WWOX: variants seen among roughly 807,000 people sequenced by gnomAD.
WWOX encodes WW domain-containing oxidoreductase.
Under a neutral mutation model 46.2 loss-of-function variants are expected in WWOX, and 69 were observed. The observed-to-expected ratio is 1.49, with a 90% confidence interval of 1.23 to 1.82. The LOEUF (loss-of-function observed/expected upper bound fraction) is 1.82. Among genes scored for constraint, WWOX ranks in the 40% most tolerant of loss-of-function variants. WWOX has a pLI of 0.00. For missense variants in WWOX, 919 were observed against 542.6 expected (o/e 1.69, Z -6.89); for synonymous variants, 359 against 202.6 (o/e 1.77, Z -6.56).
In WWOX at chr16:78,218,613, A is replaced by C. The variant is rs375887398; in HGVS notation, c.516+54324A>C. ...AAAAATGTCACGATAAAGCAGCTAC[A>C]TTAATGACAGGCACATCAAGGTTTT... On this transcript the variant is annotated intron_variant, in intron 5 of 8. Transcript: ENST00000566780. 1.8e-3 allele frequency among the ~76,000 whole-genome samples: 274 copies of C among 152,340 alleles called. 3 individuals are homozygous for C. Among genetic ancestry groups the C allele is most frequent in the African/African-American group, 6.2e-3 (259 of 41,594 alleles).
intron 8 of WWOX, among the ~76,000 whole-genome samples, chr16:79,133,858 G>C (rs903747686): frequency 6.6e-6 from 1 of 152,098 alleles, no homozygotes; most frequent in Non-Finnish European, 1.5e-5. Flanking sequence ...TCAAAGGCTT[G>C]GCACAAAAAA....
chr16:78,243,697 C>G (rs1394249009), intron 5 of WWOX, among the ~76,000 whole-genome samples: 2 of 152,176 alleles, frequency 1.3e-5, no homozygotes, highest in Non-Finnish European at 2.9e-5. Context: ...CAGGTGTGCA[C>G]CACCATGCCC....
chr16:78,737,495 T>A (rs2049118629), intron 8 of WWOX, among the ~76,000 whole-genome samples: 2 of 151,984 alleles, frequency 1.3e-5, no homozygotes, highest in African/African-American at 4.8e-5. Flanking sequence ...CATGAATAAG[T>A]TCTTTAGTGA....
At chr16:78,310,930 C>A (rs981482775) in intron 5 of WWOX, among the ~76,000 whole-genome samples, 1 of 152,124 alleles carries the variant, frequency 6.6e-6, no homozygotes, top group Non-Finnish European at 1.5e-5. Context: ...GGCTTGGCAT[C>A]GGAGTGGATG....
chr16:78,959,472 G>T (rs948675682), intron 8 of WWOX, among the ~76,000 whole-genome samples: 1 of 152,162 alleles, frequency 6.6e-6, no homozygotes, highest in African/African-American at 2.4e-5. Context: ...AACCTTCACA[G>T]GGTTAGCCAT....
intron 8 of WWOX, among the ~76,000 whole-genome samples, chr16:78,992,585 T>C (rs943623767): frequency 2.6e-5 from 4 of 152,184 alleles, no homozygotes; most frequent in Admixed American, 6.5e-5. Flanking sequence ...TTTTTCTCTC[T>C]CAGAATGAAA....
Position 78,621,592 on chromosome 16 carries a change from C to CTTT in WWOX, c.1056+188868_1056+188870dup, listed in dbSNP as rs34182797. On this transcript the variant is annotated intron_variant, in intron 8 of 8. Coordinates refer to ENST00000566780, the MANE Select transcript of WWOX (RefSeq NM_016373.4). ...ACCTTTAACCTTGTGTTGTTCTAAT[C>CTTT]TTTTTTTTTTTTTTTTTTTTTTTTT... Among the ~76,000 whole-genome samples the CTTT allele has an allele frequency of 3.4e-3, 108 of 31,530 alleles. 26 individuals are homozygous for CTTT. The highest frequency in any genetic ancestry group is 0.012 in the African/African-American group (89 of 7,714). 20.7% of individuals were successfully genotyped at this position (31,530 alleles called of 152,430 possible). A position where few individuals can be genotyped will look rare whatever the true frequency, so the allele number is the denominator to read the frequency against.
chr16:78,269,512 GA>G (rs1717092582), intron 5 of WWOX, among the ~76,000 whole-genome samples: 2 of 152,164 alleles, frequency 1.3e-5, no homozygotes, highest in African/African-American at 4.8e-5. Flanking sequence ...CACAGGGAGC[GA>G]AATCAAGACT....
chr16:78,627,362 G>A (rs2046333901), intron 8 of WWOX, among the ~76,000 whole-genome samples: 1 of 152,082 alleles, frequency 6.6e-6, no homozygotes, highest in Admixed American at 6.6e-5. Context: ...TCCTAATTTT[G>A]GCTTAACCCC....
At chr16:78,870,599 C>G (rs1158212255) in intron 8 of WWOX, among the ~76,000 whole-genome samples, 2 of 152,076 alleles carry the variant, frequency 1.3e-5, no homozygotes, top group Admixed American at 1.3e-4. Flanking sequence ...CCAATGTAAT[C>G]AGTTCTTTTT....
chr16:78,476,994 A>G (rs539790739), intron 8 of WWOX, among the ~76,000 whole-genome samples: 1 of 151,218 alleles, frequency 6.6e-6, no homozygotes, highest in Admixed American at 6.6e-5. Flanking sequence ...ATACGATGGG[A>G]TTGTGTCTGC....
intron 5 of WWOX, among the ~76,000 whole-genome samples, chr16:78,333,049 T>TTTTTTTTTTTTTTTTTTTG: frequency 1.1e-5 from 1 of 93,312 alleles, no homozygotes; most frequent in Non-Finnish European, 2.2e-5. Context: ...TATACTTTTT[T>TTTTTTTTTTTTTTTTTTTG]TTTTTTTTTT....
At chr16:79,161,283 G>C (rs1416764998) in intron 8 of WWOX, among the ~76,000 whole-genome samples, 1 of 152,164 alleles carries the variant, frequency 6.6e-6, no homozygotes, top group East Asian at 1.9e-4. Context: ...AAATGACCTT[G>C]TGCTGGCTCC....
chr16:79,094,249 T>C (rs1043855864), intron 8 of WWOX, among the ~76,000 whole-genome samples: 1 of 152,082 alleles, frequency 6.6e-6, no homozygotes, highest in South Asian at 2.1e-4. Flanking sequence ...TTTTCTTTTT[T>C]TTTTTTTTTT....
At chr16:79,117,169 G>C in intron 8 of WWOX, among the ~76,000 whole-genome samples, 1 of 152,016 alleles carries the variant, frequency 6.6e-6, no homozygotes, top group East Asian at 1.9e-4. Context: ...ATGCCACTAG[G>C]CTGGGCTATT....
Position 78,813,457 on chromosome 16 carries a change from C to T in WWOX, c.1056+380705C>T, listed in dbSNP as rs568605384. ...GCTGAGTTTTGCTAGAGTCCAAGAT[C>T]ATCTATTCTAATTTCTGGGGACACA... On this transcript the variant is annotated intron_variant, in intron 8 of 8. Transcript: ENST00000566780. 4.5e-4 allele frequency among the ~76,000 whole-genome samples: 69 copies of T among 152,220 alleles called. No individual in the cohort carries two copies. The South Asian group carries it at 0.011, about 24-fold the overall frequency.
chr16:78,379,035 T>TAC (rs1487025576), intron 5 of WWOX, among the ~76,000 whole-genome samples: 1 of 152,166 alleles, frequency 6.6e-6, no homozygotes, highest in African/African-American at 2.4e-5. Context: ...ATCTGTGTCT[T>TAC]ACTAGCTTGG....
At chr16:78,573,070 G>A (rs954351718) in intron 8 of WWOX, among the ~76,000 whole-genome samples, 4 of 152,154 alleles carry the variant, frequency 2.6e-5, no homozygotes, top group South Asian at 2.1e-4. Flanking sequence ...GGCGGATCAC[G>A]AGGTCAGGAG....
chr16:78,890,796 T>C (rs1597112908), intron 8 of WWOX: 2 of 152,232 alleles, frequency 1.3e-5, no homozygotes, highest in African/African-American at 4.8e-5. Flanking sequence ...GGTAACAGTA[T>C]ACAGGAAATC....
Sources: allele counts gnomAD v4.1 joint callset (sites outside exome capture counted in the v4.1 genomes callset), GRCh38; gene constraint gnomAD v4.1.1; transcripts MANE v1.5; gene names NCBI Gene and HGNC (gene_info 2026-07-23, HGNC 2026-07-21).